NLRP5: variants seen among roughly 807,000 people sequenced by gnomAD.
The protein encoded by NLRP5 is NLR family pyrin domain containing 5.
NLRP5 carries 93 observed loss-of-function variants against 113.1 expected under a neutral mutation model. That is an observed-to-expected ratio of 0.82 (90% CI 0.70 to 0.98). The LOEUF (loss-of-function observed/expected upper bound fraction) is 0.98, where lower values mean the gene tolerates loss of function less well. Ranked by LOEUF, NLRP5 falls within the 50% of genes least tolerant of loss-of-function variation. The pLI is 0.00. For missense variants in NLRP5, 1,808 were observed against 1,514.3 expected (o/e 1.19, Z -3.22); for synonymous variants, 751 against 600.7 (o/e 1.25, Z -3.66).
rs572801366 is a variant in NLRP5, at chr19:56,002,604, A to G, written c.63-1112A>G. Among the ~76,000 whole-genome samples the G allele has an allele frequency of 4.9e-4, 73 of 149,518 alleles. 1 individual carries two copies. The highest frequency in any genetic ancestry group is 4.5e-3 in the South Asian group (21 of 4,702). On this transcript the variant is annotated intron_variant, in intron 1 of 14. Transcript: ENST00000390649. ...AGCATTAGGTATATCTCCTAATGCT[A>G]TCGCTCCCCCCTCCCCCAACCCCAC... is the stretch of plus-strand genomic sequence containing the variant.
chr19:56,003,172 G>A (rs549090832), intron 1 of NLRP5, among the ~76,000 whole-genome samples: 1 of 140,272 alleles, frequency 7.1e-6, no homozygotes, highest in South Asian at 2.3e-4. Flanking sequence ...TTTGTTTTTT[G>A]AGATGGAGTT....
chr19:55,998,655 A>AATATGT (rs1178565646), upstream of NLRP5, among the ~76,000 whole-genome samples: 9 of 31,072 alleles, frequency 2.9e-4, no homozygotes, highest in East Asian at 2.1e-3. Flanking sequence ...TTCGTCTCAA[A>AATATGT]ATATGTGTGT....
At chr19:56,047,145 T>C (rs1399594467) in intron 11 of NLRP5, among the ~76,000 whole-genome samples, 1 of 152,244 alleles carries the variant, frequency 6.6e-6, no homozygotes, top group Non-Finnish European at 1.5e-5. Flanking sequence ...CTCTTCTTGG[T>C]TAATCTTGCC....
rs369622191 is a variant in NLRP5, at chr19:56,043,542, C to CT, written c.2957+2491dup. ...TGGATTGTCTGTTTACTCTGCTATTCTTTTTTTTTTTTTTTTTTTTTTTTT... is the reference window on the plus strand; with the variant it reads ...TGGATTGTCTGTTTACTCTGCTATTCTTTTTTTTTTTTTTTTTTTTTTTTTT... On this transcript the variant is annotated intron_variant, in intron 11 of 14. Coordinates refer to ENST00000390649, the MANE Select transcript of NLRP5 (RefSeq NM_153447.4). Among the ~76,000 whole-genome samples the CT allele has an allele frequency of 2.9e-4, 27 of 92,930 alleles. 3 individuals are homozygous for CT. The highest frequency in any genetic ancestry group is 9.5e-4 in the East Asian group (2 of 2,112). The allele number at this position is 92,930 out of a possible 152,430, so 61.0% of individuals were successfully genotyped here. A position where few individuals can be genotyped will look rare whatever the true frequency, so the allele number is the denominator to read the frequency against.
At chr19:56,009,558 T>C (rs962103395) in intron 3 of NLRP5, among the ~76,000 whole-genome samples, 1 of 152,066 alleles carries the variant, frequency 6.6e-6, no homozygotes, top group Non-Finnish European at 1.5e-5. Context: ...CAGCCACTGC[T>C]CTGCGTATTT....
chr19:55,999,212 C>CTTTTTTTTTT (rs906346601), upstream of NLRP5, among the ~76,000 whole-genome samples: 13 of 111,710 alleles, frequency 1.2e-4, no homozygotes, highest in African/African-American at 2.1e-4. Flanking sequence ...TTTTCTTTTT[C>CTTTTTTTTTT]TTTTTTTTTT....
chr19:55,990,079 C>CTTTTTTTTTTTTTTTTTTTTTTTTT, the NLRP5 span, among the ~76,000 whole-genome samples: 2 of 95,960 alleles, frequency 2.1e-5, no homozygotes, highest in Non-Finnish European at 4.0e-5. Flanking sequence ...TTTCTTTTTT[C>CTTTTTTTTTTTTTTTTTTTTTTTTT]TTTTTTTTTT....
intron 14 of NLRP5, among the ~76,000 whole-genome samples, chr19:56,058,916 A>G (rs1281815468): frequency 6.6e-6 from 1 of 152,232 alleles, no homozygotes; most frequent in Non-Finnish European, 1.5e-5. Context: ...CACATGCTAC[A>G]TGATGGAATC....
At chr19:56,002,759 T>G (rs1290115290) in intron 1 of NLRP5, among the ~76,000 whole-genome samples, 1 of 151,276 alleles carries the variant, frequency 6.6e-6, no homozygotes, top group Non-Finnish European at 1.5e-5. Flanking sequence ...AATGATGGTT[T>G]CCAGTTTCAT....
intron 12 of NLRP5, 129 bp from the exon 13 acceptor site, chr19:56,053,509 C>G: frequency 1.3e-6 from 1 of 753,020 alleles, no homozygotes; most frequent in Non-Finnish European, 2.1e-6. Context: ...AAGCTGTTCA[C>G]AGGAGTGGAC....
intron 8 of NLRP5, 46 bp from the exon 9 acceptor site, chr19:56,033,496 A>T: frequency 6.8e-7 from 1 of 1,465,582 alleles, no homozygotes; most frequent in Non-Finnish European, 9.4e-7. Flanking sequence ...TGAGGATACA[A>T]CTAAACATCA....
Position 56,003,947 on chromosome 19 carries a change from G to C in NLRP5, c.294G>C (p.Gln98His), listed in dbSNP as rs1304831936. 1 of 1,613,976 alleles carries C rather than the reference G, an allele frequency of 6.2e-7. No individual in the cohort carries two copies. The highest frequency in any genetic ancestry group is 8.5e-7 in the Non-Finnish European group (1 of 1,179,886). ...AATCGACCACATGCTCTATTCCACA[G>C]TTTGAAATCGAGAATGCCAACGTGG... Residue 98 changes from glutamine to histidine, a missense_variant, in exon 2 of 15, where the codon CAG (glutamine) becomes CAC (histidine). Physicochemically the swap from Gln to His is conservative, Grantham distance 24 (BLOSUM62 0). Transcript: ENST00000390649.
intron 6 of NLRP5, 60 bp from the exon 7 acceptor site, chr19:56,026,853 G>A: frequency 6.7e-7 from 1 of 1,495,076 alleles, no homozygotes. Context: ...TGGGATGACA[G>A]GTGCGAGCCA....
chr19:56,007,912 T>C (rs765816408), intron 2 of NLRP5, among the ~76,000 whole-genome samples: 1,491 of 28,788 alleles, frequency 0.052, 197 homozygotes, highest in Middle Eastern at 0.097. Context: ...TGCGTGTGTG[T>C]GTGTGTGTGT....
intron 10 of NLRP5, among the ~76,000 whole-genome samples, chr19:56,040,140 T>C (rs1330034472): frequency 6.6e-6 from 1 of 151,868 alleles, no homozygotes; most frequent in African/African-American, 2.4e-5. Flanking sequence ...AGAGACAGAG[T>C]CTTGCTATGT....
chr19:56,006,633 G>T (rs151335368), intron 2 of NLRP5, among the ~76,000 whole-genome samples: 4,217 of 152,144 alleles, frequency 0.028, 84 homozygotes, highest in Non-Finnish European at 0.037. Flanking sequence ...TTGGGAGGCT[G>T]AGGCAGGAGA....
chr19:56,005,671 G>A (rs1048575017), intron 2 of NLRP5, among the ~76,000 whole-genome samples: 7 of 151,702 alleles, frequency 4.6e-5, no homozygotes, highest in South Asian at 4.2e-4. Flanking sequence ...CTGCACATCC[G>A]TGACCTGGAT....
intron 4 of NLRP5, among the ~76,000 whole-genome samples, chr19:56,016,859 G>A (rs543958613): frequency 3.3e-4 from 50 of 151,710 alleles, no homozygotes; most frequent in African/African-American, 1.1e-3. Context: ...CCCAGGCTGG[G>A]GTGCAGTGGC....
At chr19:56,053,936 C>T (rs766684038) in intron 13 of NLRP5, 128 bp downstream of exon 13, 1 of 777,740 alleles carries the variant, frequency 1.3e-6, no homozygotes, top group African/African-American at 1.7e-5. Context: ...TGGAGTGCAA[C>T]CTTCGCAGCA....
Sources: allele counts gnomAD v4.1 joint callset (sites outside exome capture counted in the v4.1 genomes callset), GRCh38; gene constraint gnomAD v4.1.1; transcripts MANE v1.5; gene names NCBI Gene and HGNC (gene_info 2026-07-23, HGNC 2026-07-21).